The following MMP26 variants were observed in gnomAD, a reference collection of about 807,000 sequenced individuals.
MMP26 encodes the protein matrix metalloproteinase-26.
Under a neutral mutation model 31.0 loss-of-function variants are expected in MMP26, and 33 were observed. That is an observed-to-expected ratio of 1.06 (90% confidence interval 0.81 to 1.42). MMP26 has a LOEUF of 1.42. MMP26 is among the 40% of genes most tolerant of loss of function. The pLI is 0.00. For missense variants in MMP26, 347 were observed against 316.1 expected, an observed-to-expected ratio of 1.10 and a Z score of -0.74; for synonymous variants, 122 against 114.9, an observed-to-expected ratio of 1.06 and a Z score of -0.40.
intron 2 of MMP26, among the ~76,000 whole-genome samples, chr11:4,781,208 C>T (rs915828719): frequency 2.0e-5 from 3 of 152,096 alleles, no homozygotes; most frequent in African/African-American, 7.2e-5. Flanking sequence ...TGTACGACTG[C>T]ATAAATCTGA....
chr11:4,946,389 C>G (rs753304813), intron 2 of MMP26: 17 of 1,613,312 alleles, frequency 1.1e-5, no homozygotes, highest in Non-Finnish European at 1.4e-5. Context: ...GTATTGAGAG[C>G]CTTAAGCTGC....
chr11:4,730,018 T>C (rs1268012161), intron 1 of MMP26, among the ~76,000 whole-genome samples: 1 of 151,564 alleles, frequency 6.6e-6, no homozygotes, highest in Non-Finnish European at 1.5e-5. Flanking sequence ...CATGAGACAA[T>C]GTTTTACATT....
At chr11:4,789,130 G>C (rs997090963) in intron 2 of MMP26, among the ~76,000 whole-genome samples, 1 of 152,164 alleles carries the variant, frequency 6.6e-6, no homozygotes, top group Non-Finnish European at 1.5e-5. Context: ...TTGAAAAATA[G>C]TAGTTTCTAA....
In MMP26 at chr11:4,804,003, G is replaced by A. The variant is rs75407816; in HGVS notation, c.-145+36662G>A. 8.9e-4 allele frequency: 1,429 copies of A among 1,613,888 alleles called. 18 individuals are homozygous for A. In the African/African-American group the frequency reaches 0.016, roughly 18 times the overall value. ...GTCGGAGTGGGAAGCAGATAGCCAC[G>A]TAGCAGTCCAGGGCCATAGCCATGA... is the stretch of plus-strand genomic sequence containing the variant. On this transcript the variant is annotated intron_variant, in intron 2 of 7. Transcript: ENST00000380390.
intron 2 of MMP26, among the ~76,000 whole-genome samples, chr11:4,952,947 G>A (rs1846388666): frequency 8.1e-6 from 1 of 123,634 alleles, no homozygotes; most frequent in Non-Finnish European, 1.8e-5. Context: ...TTTACCTGAG[G>A]ATGAAGTGTA....
intron 2 of MMP26, among the ~76,000 whole-genome samples, chr11:4,879,379 G>A (rs998956488): frequency 7.9e-5 from 12 of 152,208 alleles, no homozygotes; most frequent in African/African-American, 2.2e-4. Context: ...CTATGAAATC[G>A]ACAGATTAAG....
At chr11:4,776,890 A>G (rs1369300704) in intron 2 of MMP26, among the ~76,000 whole-genome samples, 7 of 152,090 alleles carry the variant, frequency 4.6e-5, no homozygotes. Flanking sequence ...ACCTAGTCTC[A>G]GGTGGTTCTT....
chr11:4,895,730 C>T (rs1850689925), intron 2 of MMP26, among the ~76,000 whole-genome samples: 3 of 152,124 alleles, frequency 2.0e-5, no homozygotes. Flanking sequence ...TTGAGATCAG[C>T]CTGGGCAACA....
rs145843760 is a variant in MMP26 at position 4,884,716 on chromosome 11, A to G, written c.-144-103352A>G. ...AAAAGTTCACCTTGGCAGATCTACA[A>G]TCCTCTATTTGCAATGGAGAAGTTT... On this transcript the variant is annotated intron_variant, in intron 2 of 7. Transcript: ENST00000380390. Among the ~76,000 whole-genome samples, 541 of 151,728 alleles carry G rather than the reference A, an allele frequency of 3.6e-3. 4 individuals are homozygous for G. Among genetic ancestry groups the G allele is most frequent in the African/African-American group, 0.012 (510 of 41,358 alleles).
chr11:4,728,880 T>C (rs1228722360), intron 1 of MMP26, among the ~76,000 whole-genome samples: 1 of 152,052 alleles, frequency 6.6e-6, no homozygotes, highest in Non-Finnish European at 1.5e-5. Context: ...CATTCTATTT[T>C]ACATATTCAA....
rs528974984 is a variant in MMP26, at chr11:4,724,123, G to A, written c.-217+19078G>A. ...TAGGAGCGGCTGCTGAAGTCCTGGG[G>A]GGCTAGAGGTGGACACCTCGTAGGA... On this transcript the variant is annotated intron_variant, in intron 1 of 7. Coordinates refer to ENST00000380390, the MANE Select transcript of MMP26 (RefSeq NM_021801.5). 1.9e-5 allele frequency: 12 copies of A among 622,070 alleles called. 1 individual carries two copies. The South Asian group carries it at 2.2e-4, about 11-fold the overall frequency. 38.5% of individuals were successfully genotyped at this position (622,070 alleles called of 1,614,324 possible). A position where few individuals can be genotyped will look rare whatever the true frequency, so the allele number is the denominator to read the frequency against.
chr11:4,713,824 T>C (rs1387518231), intron 1 of MMP26, among the ~76,000 whole-genome samples: 1 of 152,046 alleles, frequency 6.6e-6, no homozygotes, highest in African/African-American at 2.4e-5. Context: ...GTGTGGTTAC[T>C]CACAAATTTA....
chr11:4,726,380 C>T (rs1336608585), intron 1 of MMP26, among the ~76,000 whole-genome samples: 3 of 151,848 alleles, frequency 2.0e-5, no homozygotes, highest in Admixed American at 6.6e-5. Context: ...GAGAATCACT[C>T]GAACCCGGGA....
chr11:4,755,595 C>T (rs1848495855), intron 1 of MMP26, among the ~76,000 whole-genome samples: 1 of 151,890 alleles, frequency 6.6e-6, no homozygotes, highest in Non-Finnish European at 1.5e-5. Flanking sequence ...AGTATTAGCC[C>T]ATGTACAAAA....
At chr11:4,785,198 AC>A (rs1398987667) in intron 2 of MMP26, among the ~76,000 whole-genome samples, 9 of 151,916 alleles carry the variant, frequency 5.9e-5, no homozygotes, top group Admixed American at 2.0e-4. Flanking sequence ...ATTCCAAGAA[AC>A]CCTTCAGTTC....
intron 2 of MMP26, among the ~76,000 whole-genome samples, chr11:4,846,644 G>A (rs930797575): frequency 1.3e-5 from 2 of 152,184 alleles, no homozygotes; most frequent in African/African-American, 4.8e-5. Context: ...TTGCATGCCT[G>A]TATCAAAACA....
At chr11:4,867,955 C>T (rs1425165234) in intron 2 of MMP26, among the ~76,000 whole-genome samples, 1 of 151,956 alleles carries the variant, frequency 6.6e-6, no homozygotes, top group Non-Finnish European at 1.5e-5. Flanking sequence ...GTGTTAATTG[C>T]AGCACTAGTC....
chr11:4,884,226 G>T (rs991554686), intron 2 of MMP26, among the ~76,000 whole-genome samples: 21 of 152,024 alleles, frequency 1.4e-4, no homozygotes, highest in African/African-American at 5.1e-4. Flanking sequence ...TTTAGGTGAG[G>T]AAAAACAAGT....
At chr11:4,956,008 C>T (rs1846438311) in intron 2 of MMP26, among the ~76,000 whole-genome samples, 1 of 152,080 alleles carries the variant, frequency 6.6e-6, no homozygotes, top group Admixed American at 6.6e-5. Context: ...CAGTTAGTTA[C>T]ACGTCTGATT....
Sources: gnomAD v4.1 joint callset for allele counts (sites outside exome capture counted in the v4.1 genomes callset) on GRCh38, gnomAD v4.1.1 for gene constraint, MANE v1.5 for transcripts, NCBI Gene and HGNC (gene_info 2026-07-23, HGNC 2026-07-21) for gene names.